SPG11: variants seen among roughly 807,000 people sequenced by gnomAD.
SPG11 encodes spatacsin.
In SPG11, 222 loss-of-function variants were observed where a neutral mutation model predicts 274.0. The ratio of observed to expected loss-of-function variants is 0.81; its 90% CI spans 0.73 to 0.91. The LOEUF is 0.91. Among genes scored for constraint, SPG11 ranks in the 40% least tolerant of loss-of-function variants. SPG11 has a pLI of 0.00. For missense variants in SPG11, 3,114 were observed against 2,872.7 expected, an observed-to-expected ratio of 1.08 and a Z score of -1.92; for synonymous variants, 1,144 against 1,039.7, an observed-to-expected ratio of 1.10 and a Z score of -1.93.
At chr15:44,646,757 A>T (rs117979556) in intron 7 of SPG11, among the ~76,000 whole-genome samples, 19 of 152,170 alleles carry the variant, frequency 1.2e-4, no homozygotes, top group Admixed American at 7.2e-4. Flanking sequence ...GTTCTCACTT[A>T]TAAGTGGGAG....
In SPG11 at chr15:44,563,049, A is replaced by T; in HGVS notation, c.*72T>A. Reference sequence around the variant, plus strand: ...TGTTCAACTTTAGCAAAGATCTCCAATGCATTCTTCTTCTCATCACATCTG... The same window carrying T: ...TGTTCAACTTTAGCAAAGATCTCCATTGCATTCTTCTTCTCATCACATCTG... On this transcript the variant is annotated 3_prime_UTR_variant, in exon 40 of 40. Coordinates refer to ENST00000261866, the MANE Select transcript of SPG11 (RefSeq NM_025137.4). The T allele has an allele frequency of 6.8e-7, 1 of 1,465,410 alleles. No homozygotes were observed. Among genetic ancestry groups the T allele is most frequent in the South Asian group, 1.1e-5 (1 of 87,380 alleles). 90.8% of individuals were successfully genotyped at this position (1,465,410 alleles called of 1,614,324 possible). A position where few individuals can be genotyped will look rare whatever the true frequency, so the allele number is the denominator to read the frequency against.
At chr15:44,624,918 T>C (rs981274284) in intron 11 of SPG11, among the ~76,000 whole-genome samples, 4 of 152,118 alleles carry the variant, frequency 2.6e-5, no homozygotes, top group African/African-American at 7.2e-5. Flanking sequence ...GTGGCTCACC[T>C]GAGGTCAAGA....
intron 36 of SPG11, 91 bp downstream of exon 36, chr15:44,567,333 G>C: frequency 1.4e-6 from 2 of 1,409,916 alleles, no homozygotes; most frequent in African/African-American, 1.5e-5. Context: ...CCTGGGGACA[G>C]AGCGAGACTC....
intron 4 of SPG11, among the ~76,000 whole-genome samples, chr15:44,655,392 C>T (rs1040717266): frequency 4.6e-5 from 7 of 152,150 alleles, no homozygotes; most frequent in Non-Finnish European, 8.8e-5. Context: ...GCTGGAAGTG[C>T]TCCCAAGTAG....
At chr15:44,586,288 A>G (rs540535548) in intron 28 of SPG11, among the ~76,000 whole-genome samples, 1 of 152,266 alleles carries the variant, frequency 6.6e-6, no homozygotes, top group East Asian at 1.9e-4. Flanking sequence ...ACCAAAAAAA[A>G]TGGTCCTGCA....
Position 44,585,103 on chromosome 15 carries a change from T to C in SPG11, c.5121+533A>G, listed in dbSNP as rs544183784. Among the ~76,000 whole-genome samples, 17 of 152,270 alleles carry C rather than the reference T, an allele frequency of 1.1e-4. No individual in the cohort carries two copies. The East Asian group carries it at 3.3e-3, about 29-fold the overall frequency. On this transcript the variant is annotated intron_variant, in intron 29 of 39. Transcript: ENST00000261866. ...AATTCTATTCAAAGGAAAATAGTTG[T>C]AGCATATCCTACAAACTAATGTTAC...
chr15:44,649,649 C>A (rs1026182852), intron 6 of SPG11, among the ~76,000 whole-genome samples: 13 of 151,848 alleles, frequency 8.6e-5, no homozygotes, highest in African/African-American at 2.9e-4. Flanking sequence ...CCCAGCACTT[C>A]AGGAGGCCGA....
At position 44,606,110 on chromosome 15, in the gene SPG11, T is replaced by TA. The variant is rs761816518; in HGVS notation, c.3454-20dup. On this transcript the variant is annotated intron_variant, in intron 19 of 39. Transcript: ENST00000261866. ...ATAATGACTGAAAAAGGGGAAAAGT[T>TA]AAACAGAATTAGAAGTTCACTGATT... is the stretch of plus-strand genomic sequence containing the variant. 6.2e-7 allele frequency: 1 copy of TA among 1,610,334 alleles called. No individual in the cohort carries two copies. Among genetic ancestry groups the TA allele is most frequent in the Non-Finnish European group, 8.5e-7 (1 of 1,176,934 alleles).
In SPG11 at chr15:44,659,263, A is replaced by G. The variant is rs772205877; in HGVS notation, c.483T>C (p.Asn161=). 23 of 1,614,164 alleles carry G rather than the reference A, an allele frequency of 1.4e-5. 1 individual carries two copies. The South Asian group carries it at 1.6e-4, about 12-fold the overall frequency. ...TGTTGATGAACAGTAATGATGTGTT[A>G]TTGTGAAATGACAGGATTCTCAAAG... ...LLSLRILSFH[N]NTSLLFINKC... is the part of the protein sequence containing the mutation. Residue 161 remains asparagine, a synonymous_variant, in exon 3 of 40, where the codon AAT becomes AAC. Coordinates refer to ENST00000261866, the MANE Select transcript of SPG11 (RefSeq NM_025137.4).
In SPG11 at chr15:44,622,418, T is replaced by G; in HGVS notation, c.2317-71A>C. On this transcript the variant is annotated intron_variant, in intron 12 of 39. Transcript: ENST00000261866. The stretch of plus-strand genomic sequence containing the variant: ...CACTTTTGCAAAAAATGTCATGAGA[T>G]TATCAAATAAGGTAGTGCTGGGAAT... 6 of 1,260,894 alleles carry G rather than the reference T, an allele frequency of 4.8e-6. No individual in the cohort carries two copies. In the South Asian group the frequency reaches 7.9e-5, roughly 17 times the overall value. The allele number at this position is 1,260,894 out of a possible 1,614,324, so 78.1% of individuals were successfully genotyped here.
At chr15:44,656,424 C>A (rs1254592013) in intron 4 of SPG11, among the ~76,000 whole-genome samples, 1 of 152,156 alleles carries the variant, frequency 6.6e-6, no homozygotes, top group Admixed American at 6.5e-5. Context: ...AAGAAAGTAA[C>A]TGTATGATGG....
chr15:44,584,553 T>G lies in SPG11; in HGVS notation c.5127A>C (p.Thr1709=). 1 of 1,608,840 alleles carries G rather than the reference T, an allele frequency of 6.2e-7. No homozygotes were observed. Among genetic ancestry groups the G allele is most frequent in the Non-Finnish European group, 8.5e-7 (1 of 1,180,006 alleles). The stretch of plus-strand genomic sequence containing the variant: ...TGTGTTTTAGGGTCTGCATTTCCTG[T>G]GTTATCTGTGAAATTTAACAAAGCA... ...PVDNLVIKEI[T]QEMQTLKHIE... The change falls in exon 30 of 40, where the codon ACA becomes ACC. Residue 1709 remains threonine (T), a synonymous_variant. Transcript: ENST00000261866.
At chr15:44,594,997 A>G (rs751729627) in intron 26 of SPG11, among the ~76,000 whole-genome samples, 8 of 152,062 alleles carry the variant, frequency 5.3e-5, no homozygotes, top group Non-Finnish European at 1.0e-4. Context: ...TTGTATTTTT[A>G]GTAGAGACAG....
chr15:44,663,496 G>T lies in SPG11; in HGVS notation c.152C>A (p.Pro51Gln). 3 of 1,593,844 alleles carry T rather than the reference G, an allele frequency of 1.9e-6. No individual in the cohort carries two copies. The highest frequency in any genetic ancestry group is 2.6e-6 in the Non-Finnish European group (3 of 1,171,040). Residue 51 changes from proline to glutamine, a missense_variant, in exon 1 of 40, where the codon CCG (proline) becomes CAG (glutamine). Transcript: ENST00000261866. The stretch of plus-strand genomic sequence containing the variant: ...AGCCGTCAGGCTCCCCAGAGCCTCC[G>T]GCTGTGTGCGCAGCTGCGCCCGGGA... ...LGSRAQLRTQ[P>Q]EALGSLTAAG...
intron 4 of SPG11, among the ~76,000 whole-genome samples, chr15:44,654,885 C>G (rs920035054): frequency 6.6e-6 from 1 of 151,974 alleles, no homozygotes; most frequent in Non-Finnish European, 1.5e-5. Flanking sequence ...ATGTAATGTA[C>G]ACACTTACGG....
chr15:44,642,331 C>T (rs1354500627), intron 7 of SPG11, among the ~76,000 whole-genome samples: 2 of 139,794 alleles, frequency 1.4e-5, no homozygotes, highest in Non-Finnish European at 3.0e-5. Context: ...CTCCACTGCA[C>T]TCCAGCCTGG....
chr15:44,616,814 G>T (rs1032808030), intron 15 of SPG11, among the ~76,000 whole-genome samples: 1 of 152,040 alleles, frequency 6.6e-6, no homozygotes, highest in African/African-American at 2.4e-5. Context: ...CTTTACAAGG[G>T]GTATCTAGAA....
chr15:44,619,471 C>A (rs2083678939), intron 15 of SPG11, among the ~76,000 whole-genome samples: 1 of 152,154 alleles, frequency 6.6e-6, no homozygotes, highest in South Asian at 2.1e-4. Context: ...ACTTCAAGAG[C>A]TACTTCCCCT....
chr15:44,648,550 A>C (rs968675847), intron 7 of SPG11, among the ~76,000 whole-genome samples: 4 of 151,118 alleles, frequency 2.6e-5, no homozygotes, highest in Admixed American at 2.0e-4. Context: ...AGCATAAGGT[A>C]GGAATAAAAG....
Sources: gnomAD v4.1 joint callset for allele counts (sites outside exome capture counted in the v4.1 genomes callset) on GRCh38, gnomAD v4.1.1 for gene constraint, MANE v1.5 for transcripts, NCBI Gene and HGNC (gene_info 2026-07-23, HGNC 2026-07-21) for gene names.